Variants in CCSER1 observed in about 807,000 individuals in gnomAD.
CCSER1 encodes coiled-coil serine rich protein 1.
A neutral mutation model predicts 82.0 loss-of-function variants in CCSER1; 41 were observed. That is an observed-to-expected ratio of 0.50 (90% CI 0.39 to 0.65). CCSER1 has a LOEUF of 0.65. Among genes scored for constraint, CCSER1 ranks in the 30% least tolerant of loss-of-function variants. The probability of loss-of-function intolerance (pLI) is 0.00; values close to 1 mark genes in which losing one functional copy is unlikely to be tolerated. For missense variants in CCSER1, 1,119 were observed against 1,064.2 expected, an observed-to-expected ratio of 1.05 and a Z score of -0.72; for synonymous variants, 414 against 383.9, an observed-to-expected ratio of 1.08 and a Z score of -0.92.
chr4:90,890,228 G>A (rs1268368956), intron 8 of CCSER1, among the ~76,000 whole-genome samples: 1 of 152,078 alleles, frequency 6.6e-6, no homozygotes, highest in Non-Finnish European at 1.5e-5. Context: ...CCTGGATTCC[G>A]ATATTTGGTT....
intron 10 of CCSER1, among the ~76,000 whole-genome samples, chr4:91,308,109 G>C (rs111865237): frequency 5.5e-4 from 83 of 151,980 alleles, no homozygotes; most frequent in African/African-American, 1.3e-3. Flanking sequence ...TTCCAAAAAG[G>C]CATCTTCTTT....
intron 10 of CCSER1, among the ~76,000 whole-genome samples, chr4:91,199,612 G>A (rs1015705332): frequency 6.6e-6 from 1 of 151,978 alleles, no homozygotes; most frequent in Non-Finnish European, 1.5e-5. Context: ...TAAAGCTCAT[G>A]TCCTCAAGAA....
intron 9 of CCSER1, among the ~76,000 whole-genome samples, chr4:90,989,260 T>C (rs1195563515): frequency 6.6e-6 from 1 of 151,748 alleles, no homozygotes; most frequent in Admixed American, 6.6e-5. Context: ...TCTTAAACAT[T>C]ACAGCAAAAA....
In CCSER1 at chr4:91,034,316, G is replaced by A. The variant is rs547566451; in HGVS notation, c.2173-51634G>A. 6.6e-5 allele frequency among the ~76,000 whole-genome samples: 10 copies of A among 152,234 alleles called. No individual in the cohort carries two copies. The East Asian group carries it at 1.9e-3, about 29-fold the overall frequency. On this transcript the variant is annotated intron_variant, in intron 9 of 10. Coordinates refer to ENST00000509176, the MANE Select transcript of CCSER1 (RefSeq NM_001145065.2). ...AAGTAAATCACTTTTTACCCAAAAT[G>A]CCACTTGTTTACTTCACGCTGCACT...
intron 6 of CCSER1, among the ~76,000 whole-genome samples, chr4:90,718,800 T>C (rs894757127): frequency 6.6e-6 from 1 of 152,144 alleles, no homozygotes; most frequent in African/African-American, 2.4e-5. Flanking sequence ...AATTGGGGAA[T>C]AGTTTTATAT....
In CCSER1 at chr4:90,347,019, G is replaced by T. The variant is rs1023868317; in HGVS notation, c.1509+33972G>T. Among the ~76,000 whole-genome samples the T allele has an allele frequency of 2.0e-5, 3 of 152,030 alleles. No individual in the cohort carries two copies. The East Asian group carries it at 5.8e-4, about 29-fold the overall frequency. On this transcript the variant is annotated intron_variant, in intron 3 of 10. Coordinates refer to ENST00000509176, the MANE Select transcript of CCSER1 (RefSeq NM_001145065.2). ...GCCCTATGCAGGTGAATTCAATATG[G>T]ATAGCTCTGATCTTTCCGAAGGCTC...
intron 8 of CCSER1, among the ~76,000 whole-genome samples, chr4:90,915,570 C>A (rs1727231633): frequency 1.3e-5 from 2 of 152,084 alleles, no homozygotes; most frequent in African/African-American, 4.8e-5. Flanking sequence ...ACTGAATGGG[C>A]AAAAACTGGA....
rs191407968 is a variant in CCSER1, at chr4:90,231,704, A to T, written c.-41-76540A>T. ...ATTGTCCCTGTTTGCAGATGACATG[A>T]TTGTATGTCTAGAAAACTCCATTGT... On this transcript the variant is annotated intron_variant, in intron 1 of 10. Coordinates refer to ENST00000509176, the MANE Select transcript of CCSER1 (RefSeq NM_001145065.2). Among the ~76,000 whole-genome samples, 430 of 152,190 alleles carry T rather than the reference A, an allele frequency of 2.8e-3. 3 individuals carry two copies. Among genetic ancestry groups the T allele is most frequent in the African/African-American group, 0.01 (418 of 41,484 alleles).
At chr4:90,327,811 G>C (rs1023911014) in intron 3 of CCSER1, among the ~76,000 whole-genome samples, 2 of 152,054 alleles carry the variant, frequency 1.3e-5, no homozygotes, top group African/African-American at 4.8e-5. Context: ...TGTGTGCCCT[G>C]GTAGATAAAA....
intron 3 of CCSER1, among the ~76,000 whole-genome samples, chr4:90,322,622 T>A (rs1737371983): frequency 6.6e-6 from 1 of 152,212 alleles, no homozygotes; most frequent in South Asian, 2.1e-4. Context: ...TCAGTTTACT[T>A]TATCAGTGTT....
intron 10 of CCSER1, among the ~76,000 whole-genome samples, chr4:91,559,863 T>A (rs1333528277): frequency 6.6e-6 from 1 of 151,468 alleles, no homozygotes; most frequent in East Asian, 1.9e-4. Context: ...AATGGTCTTA[T>A]TCTATTACTT....
intron 1 of CCSER1, among the ~76,000 whole-genome samples, chr4:90,252,388 T>C (rs1311113354): frequency 2.0e-5 from 3 of 151,928 alleles, no homozygotes; most frequent in Admixed American, 6.6e-5. Flanking sequence ...TCTCAAAGTA[T>C]TTCCAATTTC....
chr4:90,429,247 A>G (rs997447888), intron 4 of CCSER1, among the ~76,000 whole-genome samples: 2 of 151,852 alleles, frequency 1.3e-5, no homozygotes, highest in Non-Finnish European at 3.0e-5. Flanking sequence ...TGAAGTATTG[A>G]TGAAAAAAAG....
intron 10 of CCSER1, among the ~76,000 whole-genome samples, chr4:91,433,160 T>C (rs1237619606): frequency 6.6e-6 from 1 of 152,198 alleles, no homozygotes; most frequent in Non-Finnish European, 1.5e-5. Context: ...ATTCTTCTCT[T>C]TCAGACCCCA....
At chr4:91,415,313 G>C (rs1423097162) in intron 10 of CCSER1, among the ~76,000 whole-genome samples, 1 of 152,078 alleles carries the variant, frequency 6.6e-6, no homozygotes, top group African/African-American at 2.4e-5. Flanking sequence ...TTTGGGCTGA[G>C]TTGATGATGG....
At chr4:90,870,604 T>C (rs916672415) in intron 8 of CCSER1, among the ~76,000 whole-genome samples, 3 of 151,682 alleles carry the variant, frequency 2.0e-5, no homozygotes, top group Admixed American at 1.3e-4. Context: ...TTTGTTGAGG[T>C]TTTTTACATC....
At chr4:91,078,949 T>G (rs988125332) in intron 9 of CCSER1, among the ~76,000 whole-genome samples, 26 of 152,138 alleles carry the variant, frequency 1.7e-4, no homozygotes, top group South Asian at 8.3e-4. Flanking sequence ...AATCTACATC[T>G]GATTGATGTA....
intron 8 of CCSER1, among the ~76,000 whole-genome samples, chr4:90,861,725 A>T (rs72663668): frequency 0.074 from 11,273 of 151,680 alleles, 508 homozygotes; most frequent in Admixed American, 0.13. Flanking sequence ...CACTTTAAAC[A>T]TTTAATGTAC....
At chr4:91,041,062 C>T (rs1413658300) in intron 9 of CCSER1, among the ~76,000 whole-genome samples, 1 of 151,954 alleles carries the variant, frequency 6.6e-6, no homozygotes, top group Admixed American at 6.6e-5. Flanking sequence ...TGGAAATTCA[C>T]AGAAATCTAT....
Sources: gnomAD v4.1 joint callset for allele counts (sites outside exome capture counted in the v4.1 genomes callset) on GRCh38, gnomAD v4.1.1 for gene constraint, MANE v1.5 for transcripts, NCBI Gene and HGNC (gene_info 2026-07-23, HGNC 2026-07-21) for gene names.